NUP160: variants seen among roughly 807,000 people sequenced by gnomAD.
The protein encoded by NUP160 is nuclear pore complex protein Nup160.
In NUP160, 94 loss-of-function variants were observed where a neutral mutation model predicts 196.9. That is an observed-to-expected ratio of 0.48 (90% confidence interval 0.40 to 0.57). The LOEUF (loss-of-function observed/expected upper bound fraction) is 0.57. Ranked by LOEUF, NUP160 falls within the 20% of genes least tolerant of loss-of-function variation. The pLI is 0.00. For synonymous variants in NUP160, 605 were observed against 619.7 expected (o/e 0.98, Z 0.35); for missense variants, 1,638 against 1,748.3 (o/e 0.94, Z 1.13).
intron 4 of NUP160, chr11:47,839,543 AATT>A: frequency 3.0e-6 from 1 of 331,600 alleles, no homozygotes; most frequent in South Asian, 4.2e-5. Flanking sequence ...CAATTAATTT[AATT>A]ATAATGTTAT....
chr11:47,786,151 A>C (rs1266551389), intron 32 of NUP160, among the ~76,000 whole-genome samples: 4 of 152,188 alleles, frequency 2.6e-5, no homozygotes, highest in African/African-American at 9.6e-5. Flanking sequence ...AAAAAGGAGG[A>C]TAACACTCCG....
Position 47,841,641 on chromosome 11 carries a change from C to T in NUP160, c.315-1053G>A. ...TGTGATCCTGGAACGTGCTCTAGTT[C>T]GAGAGATTGAGGGCTCTAAGGAGCA... On this transcript the variant is annotated intron_variant, in intron 2 of 35. Transcript: ENST00000378460. 1.3e-5 allele frequency: 5 copies of T among 397,972 alleles called. 1 individual carries two copies. The highest frequency in any genetic ancestry group is 7.0e-5 in the South Asian group (3 of 42,682). The allele number at this position is 397,972 out of a possible 1,614,324, so 24.7% of individuals were successfully genotyped here.
At chr11:47,795,891 G>A (rs1016150490) in intron 27 of NUP160, among the ~76,000 whole-genome samples, 5 of 151,982 alleles carry the variant, frequency 3.3e-5, no homozygotes, top group African/African-American at 1.2e-4. Context: ...GTGGCTCACG[G>A]CTGTAATTCC....
chr11:47,846,721 T>C (rs954943059), intron 2 of NUP160, among the ~76,000 whole-genome samples: 5 of 152,184 alleles, frequency 3.3e-5, no homozygotes, highest in Non-Finnish European at 7.3e-5. Flanking sequence ...AAATCCACTT[T>C]CCACAAAGTA....
intron 29 of NUP160, among the ~76,000 whole-genome samples, chr11:47,791,552 G>C (rs917789538): frequency 5.3e-5 from 8 of 152,050 alleles, no homozygotes; most frequent in Non-Finnish European, 1.2e-4. Context: ...CACTGACCAG[G>C]CTGGTCTTGA....
chr11:47,807,820 A>T (rs1310872493), intron 18 of NUP160, among the ~76,000 whole-genome samples: 1 of 145,452 alleles, frequency 6.9e-6, no homozygotes, highest in African/African-American at 2.4e-5. Context: ...GTACACACAA[A>T]CGTGTAGTAC....
rs114164215 is a variant in NUP160 at position 47,840,239 on chromosome 11, G to A, written c.525+139C>T. ...AAATGTATGCCTGATCATTTTAAGC[G>A]GTAGCTATCAAAGTATGCTTGGTGA... On this transcript the variant is annotated intron_variant, in intron 3 of 35. Transcript: ENST00000378460. The A allele has an allele frequency of 2.7e-3, 2,267 of 852,036 alleles. 45 individuals carry two copies. In the African/African-American group the frequency reaches 0.035, roughly 13 times the overall value. The allele number at this position is 852,036 out of a possible 1,614,324, so 52.8% of individuals were successfully genotyped here.
intron 27 of NUP160, among the ~76,000 whole-genome samples, chr11:47,795,211 T>C (rs2097670226): frequency 6.6e-6 from 1 of 152,200 alleles, no homozygotes. Flanking sequence ...AATTAAAATA[T>C]CATTAAAAAT....
At position 47,792,956 on chromosome 11, in the gene NUP160, G is replaced by T. The variant is rs746155786; in HGVS notation, c.3290-10C>A. 10 of 1,600,692 alleles carry T rather than the reference G, an allele frequency of 6.2e-6. No individual in the cohort carries two copies. Among genetic ancestry groups the T allele is most frequent in the Non-Finnish European group, 8.5e-6 (10 of 1,176,222 alleles). ...AACATCACTGTGCCAGCTATGAGGA[G>T]ATAATAAATTAGACTTTAGAACTTC... On this transcript the variant is annotated splice_polypyrimidine_tract_variant and intron_variant, in intron 27 of 35. Transcript: ENST00000378460.
At chr11:47,780,439 C>T in exon 35 of NUP160, 1 of 1,609,478 alleles carries the variant, frequency 6.2e-7, no homozygotes, top group Non-Finnish European at 8.5e-7. Flanking sequence ...CTGTTGCGGA[C>T]AGTGGAAACT....
In NUP160 at chr11:47,787,786, C is replaced by T. The variant is rs188858200; in HGVS notation, c.3746+396G>A. On this transcript the variant is annotated intron_variant, in intron 31 of 35. Coordinates refer to ENST00000378460, the Ensembl canonical transcript of NUP160. The stretch of plus-strand genomic sequence containing the variant: ...AGGCTGGAGTGCAGTGGCGCGATCT[C>T]GGCTCATTGCAAGCTCTGCCTCCCA... Among the ~76,000 whole-genome samples, 26 of 152,134 alleles carry T rather than the reference C, an allele frequency of 1.7e-4. 1 individual carries two copies. The highest frequency in any genetic ancestry group is 1.4e-3 in the East Asian group (7 of 5,164).
chr11:47,832,481 TG>T (rs1395024475), intron 7 of NUP160, among the ~76,000 whole-genome samples: 1 of 152,208 alleles, frequency 6.6e-6, no homozygotes, highest in African/African-American at 2.4e-5. Context: ...CACCTTACAC[TG>T]GCCTTTTAAA....
At chr11:47,845,149 T>A (rs979482971) in intron 2 of NUP160, among the ~76,000 whole-genome samples, 1 of 151,472 alleles carries the variant, frequency 6.6e-6, no homozygotes, top group Non-Finnish European at 1.5e-5. Context: ...TTTATTTACA[T>A]TTTTTTTTGA....
At chr11:47,830,624 CAT>C (rs772534518) in intron 7 of NUP160, among the ~76,000 whole-genome samples, 5 of 152,184 alleles carry the variant, frequency 3.3e-5, no homozygotes, top group African/African-American at 7.2e-5. Flanking sequence ...CCAAATACCA[CAT>C]GTTCTCACTT....
At chr11:47,818,461 G>A (rs1038495676) in intron 10 of NUP160, among the ~76,000 whole-genome samples, 1 of 152,088 alleles carries the variant, frequency 6.6e-6, no homozygotes, top group Admixed American at 6.6e-5. Context: ...AAACGAAGCT[G>A]GTTTCTACAC....
chr11:47,797,874 A>G lies in NUP160; in HGVS notation c.3194T>C (p.Ile1065Thr), dbSNP rs1337959392. 6.2e-7 allele frequency: 1 copy of G among 1,611,702 alleles called. No individual in the cohort carries two copies. Among genetic ancestry groups the G allele is most frequent in the Non-Finnish European group, 8.5e-7 (1 of 1,179,032 alleles). Residue 1065 changes from isoleucine to threonine, a missense_variant, in exon 27 of 36, where the codon ATA becomes ACA. By Grantham distance (89) the Ile-to-Thr change is moderately conservative. Coordinates refer to ENST00000378460, the Ensembl canonical transcript of NUP160. ...CACAGCTCTAGCACGTGACTCAATT[A>G]TTCCCACAACCTAGGGAAGGGGAAG...
At chr11:47,815,396 A>G (rs2097683809) in intron 13 of NUP160, 83 bp downstream of exon 13, 2 of 1,098,738 alleles carry the variant, frequency 1.8e-6, no homozygotes, top group Non-Finnish European at 1.3e-6. Flanking sequence ...GAGCCACTGA[A>G]CTTTTTGTTT....
rs750497969 is a variant in NUP160 at position 47,793,722 on chromosome 11, GTTTTTTTTT to G, written c.3290-785_3290-777del. ...TCATTTAATTATCTGTAAGATATCT[GTTTTTTTTT>G]TTTTTTTTTTTTTTTTTTTTTTTTT... is the stretch of plus-strand genomic sequence containing the variant. On this transcript the variant is annotated intron_variant, in intron 27 of 35. Transcript: ENST00000378460. 1.3e-3 allele frequency among the ~76,000 whole-genome samples: 118 copies of G among 87,680 alleles called. 2 individuals carry two copies. Among genetic ancestry groups the G allele is most frequent in the African/African-American group, 3.7e-3 (71 of 19,096 alleles). The allele number at this position is 87,680 out of a possible 152,430, so 57.5% of individuals were successfully genotyped here.
chr11:47,802,527 T>C (rs1035877201), intron 22 of NUP160, among the ~76,000 whole-genome samples: 1 of 152,160 alleles, frequency 6.6e-6, no homozygotes, highest in African/African-American at 2.4e-5. Context: ...ATTGTAGAAT[T>C]TGAGTGATAG....
Sources: allele counts gnomAD v4.1 joint callset (sites outside exome capture counted in the v4.1 genomes callset), GRCh38; gene constraint gnomAD v4.1.1; transcripts MANE v1.5; gene names NCBI Gene and HGNC (gene_info 2026-07-23, HGNC 2026-07-21).